Variants in APTX observed in about 807,000 individuals in gnomAD.
APTX encodes the protein forkhead-associated domain histidine triad-like protein.
In APTX, 33 loss-of-function variants were observed where a neutral mutation model predicts 42.3. The ratio of observed to expected loss-of-function variants is 0.78; its 90% confidence interval spans 0.59 to 1.04. The LOEUF (loss-of-function observed/expected upper bound fraction) is 1.04, where lower values mean the gene tolerates loss of function less well. Ranked by LOEUF, APTX falls within the 50% of genes least tolerant of loss-of-function variation. APTX has a pLI of 0.00. For missense variants in APTX, 421 were observed against 415.1 expected, an observed-to-expected ratio of 1.01 and a Z score of -0.12; for synonymous variants, 130 against 146.7, an observed-to-expected ratio of 0.89 and a Z score of 0.82.
At chr9:32,981,994 TAAAA>T (rs542450072) in intron 6 of APTX, among the ~76,000 whole-genome samples, 2 of 141,710 alleles carry the variant, frequency 1.4e-5, no homozygotes, top group African/African-American at 5.2e-5. Flanking sequence ...ATTCATGAAT[TAAAA>T]AAAAAAAAAC....
At position 32,998,869 on chromosome 9, in the gene APTX, TA is replaced by T. The variant is rs146143384; in HGVS notation, c.-5+2697del. Among the ~76,000 whole-genome samples, 264 of 132,226 alleles carry T rather than the reference TA, an allele frequency of 2.0e-3. 1 individual carries two copies. The highest frequency in any genetic ancestry group is 6.8e-3 in the African/African-American group (245 of 35,974). The allele number at this position is 132,226 out of a possible 152,430, so 86.7% of individuals were successfully genotyped here. On this transcript the variant is annotated intron_variant, in intron 1 of 7. Coordinates refer to ENST00000379817, the MANE Select transcript of APTX (RefSeq NM_001195248.2). ...CACATGTATCCCAGAACTTAAAGTA[TA>T]AAAAAAAAATTGGTCAAGCTAAAAA...
At chr9:32,988,733 C>T (rs1832829826) in intron 2 of APTX, among the ~76,000 whole-genome samples, 1 of 144,980 alleles carries the variant, frequency 6.9e-6, no homozygotes, top group Admixed American at 6.8e-5. Context: ...CTCACACGAA[C>T]TCTTGACCAA....
chr9:32,993,081 G>C (rs1834012633), intron 1 of APTX, among the ~76,000 whole-genome samples: 1 of 152,220 alleles, frequency 6.6e-6, no homozygotes, highest in South Asian at 2.1e-4. Flanking sequence ...AGAGAAGCCA[G>C]AAGAGAACAG....
chr9:32,973,538 G>C lies in APTX; in HGVS notation c.989C>G (p.Pro330Arg), dbSNP rs886044599. The C allele has an allele frequency of 6.2e-7, 1 of 1,614,066 alleles. No homozygotes were observed. The highest frequency in any genetic ancestry group is 2.2e-5 in the East Asian group (1 of 44,874). ...HECQQLLPSI[P>R]QLKEHLRKHW... The stretch of plus-strand genomic sequence containing the variant: ...CTTCCTGAGATGTTCTTTCAGCTGA[G>C]GAATGGAAGGCAGCAGCTGCTGGCA... The change falls in exon 8 of 8, where the codon CCT becomes CGT. Residue 330 changes from proline (P) to arginine (R), a missense_variant. Coordinates refer to ENST00000379817, the MANE Select transcript of APTX (RefSeq NM_001195248.2).
At chr9:32,985,368 CTT>C (rs1831735327) in intron 5 of APTX, among the ~76,000 whole-genome samples, 1 of 123,426 alleles carries the variant, frequency 8.1e-6, no homozygotes, top group Admixed American at 9.6e-5. Context: ...GAGTTTCGCT[CTT>C]GTTGCCCAGG....
At chr9:33,010,080 G>A (rs1837430853) in intron 1 of APTX, among the ~76,000 whole-genome samples, 1 of 152,158 alleles carries the variant, frequency 6.6e-6, no homozygotes, top group Non-Finnish European at 1.5e-5. Flanking sequence ...AAAGACTGAT[G>A]GGGCTGCCTT....
intron 1 of APTX, among the ~76,000 whole-genome samples, chr9:33,012,459 A>G (rs2119238878): frequency 1.3e-5 from 2 of 152,258 alleles, no homozygotes; most frequent in Middle Eastern, 3.4e-3. Flanking sequence ...GCTTTTGCCA[A>G]TGGGACACTA....
At chr9:33,009,802 TAAAGA>T (rs749676888) in intron 1 of APTX, among the ~76,000 whole-genome samples, 30 of 150,542 alleles carry the variant, frequency 2.0e-4, no homozygotes, top group Non-Finnish European at 3.9e-4. Flanking sequence ...AAAATAATAA[TAAAGA>T]AAAGAAAAGG....
upstream of APTX, among the ~76,000 whole-genome samples, chr9:33,006,426 G>C (rs1837147125): frequency 6.6e-6 from 1 of 151,976 alleles, no homozygotes; most frequent in African/African-American, 2.4e-5. Context: ...TATATAACCT[G>C]TCTGGCCCCC....
upstream of APTX, among the ~76,000 whole-genome samples, chr9:33,002,045 G>A (rs2119159173): frequency 6.6e-6 from 1 of 152,318 alleles, no homozygotes; most frequent in South Asian, 2.1e-4. Flanking sequence ...TGTGCAGGGA[G>A]GAAAGAATGG....
intron 1 of APTX, among the ~76,000 whole-genome samples, chr9:33,000,065 A>C (rs1265342097): frequency 2.0e-5 from 3 of 152,210 alleles, no homozygotes; most frequent in African/African-American, 7.2e-5. Flanking sequence ...AAGGTCTCTG[A>C]AGTTGGACTG....
At chr9:32,989,990 A>G in intron 1 of APTX, 95 bp from the exon 2 acceptor site, 1 of 1,495,562 alleles carries the variant, frequency 6.7e-7, no homozygotes, top group Non-Finnish European at 9.1e-7. Context: ...GTGATCTACC[A>G]GCTGTTCATC....
In APTX at chr9:33,001,355, C is replaced by T. The variant is rs1182747982; in HGVS notation, c.-5+212G>A. The T allele has an allele frequency of 2.6e-6, 4 of 1,528,808 alleles. No individual in the cohort carries two copies. In the South Asian group the frequency reaches 4.8e-5, roughly 18 times the overall value. 94.7% of individuals were successfully genotyped at this position (1,528,808 alleles called of 1,614,324 possible). A position where few individuals can be genotyped will look rare whatever the true frequency, so the allele number is the denominator to read the frequency against. On this transcript the variant is annotated intron_variant, in intron 1 of 7. Transcript: ENST00000379817. ...TACAGGTGTCGGGAGCACACGTGAA[C>T]AAACGCAAAGTGGGTCGAAGACCAA...
intron 1 of APTX, 58 bp downstream of exon 1, chr9:33,001,509 C>T (rs752208786): frequency 1.2e-6 from 2 of 1,611,600 alleles, no homozygotes; most frequent in African/African-American, 1.3e-5. Context: ...CTCGGCCGAA[C>T]GCTCACCCGC....
chr9:32,999,844 T>C (rs1835841690), intron 1 of APTX, among the ~76,000 whole-genome samples: 2 of 152,066 alleles, frequency 1.3e-5, no homozygotes, highest in South Asian at 4.1e-4. Flanking sequence ...GGCGTGGTGG[T>C]AGACGCCTGT....
intron 4 of APTX, 95 bp from the exon 5 acceptor site, chr9:32,986,125 T>C (rs773680491): frequency 8.9e-7 from 1 of 1,126,460 alleles, no homozygotes; most frequent in Non-Finnish European, 1.3e-6. Flanking sequence ...GTTAATACTG[T>C]GTGATAGCAC....
intron 1 of APTX, among the ~76,000 whole-genome samples, chr9:32,991,560 G>A (rs1354460156): frequency 6.6e-6 from 1 of 152,102 alleles, no homozygotes; most frequent in Non-Finnish European, 1.5e-5. Context: ...AAGGCAGGCG[G>A]ATCACGAGGT....
chr9:33,007,984 T>C (rs1324435701), intron 1 of APTX, among the ~76,000 whole-genome samples: 1 of 152,204 alleles, frequency 6.6e-6, no homozygotes, highest in East Asian at 1.9e-4. Context: ...ATCTCCAAAG[T>C]ACCAGCATTC....
intron 1 of APTX, among the ~76,000 whole-genome samples, chr9:33,007,092 G>C (rs1331059195): frequency 2.6e-5 from 4 of 151,188 alleles, no homozygotes; most frequent in Non-Finnish European, 5.9e-5. Context: ...AAGACAGAAA[G>C]GAAACAAACA....
Sources: gnomAD v4.1 joint callset for allele counts (sites outside exome capture counted in the v4.1 genomes callset) on GRCh38, gnomAD v4.1.1 for gene constraint, MANE v1.5 for transcripts, NCBI Gene and HGNC (gene_info 2026-07-23, HGNC 2026-07-21) for gene names.